Variants in SLC17A2 observed in about 807,000 individuals in gnomAD.
SLC17A2 encodes solute carrier family 17 member 2.
In SLC17A2, 38 loss-of-function variants were observed where a neutral mutation model predicts 52.1. The ratio of observed to expected loss-of-function variants is 0.73; its 90% confidence interval spans 0.56 to 0.96. The LOEUF is 0.96. Among genes scored for constraint, SLC17A2 ranks in the 40% least tolerant of loss-of-function variants. The pLI, the probability that SLC17A2 is intolerant of heterozygous loss-of-function variation, is 0.00. For synonymous variants in SLC17A2, 226 were observed against 211.9 expected (o/e 1.07, Z -0.58); for missense variants, 508 against 583.9 (o/e 0.87, Z 1.34).
At chr6:25,926,796 G>T (rs1192991934) in intron 1 of SLC17A2, among the ~76,000 whole-genome samples, 1 of 152,170 alleles carries the variant, frequency 6.6e-6, no homozygotes, top group Non-Finnish European at 1.5e-5. Context: ...GCCGGGTGCA[G>T]TGGCTCACAC....
chr6:25,915,953 A>AC, intron 8 of SLC17A2, 85 bp from the exon 9 acceptor site: 1 of 1,320,018 alleles, frequency 7.6e-7, no homozygotes, highest in South Asian at 1.4e-5. Flanking sequence ...CCATTAACTT[A>AC]CCCCCATGAT....
chr6:25,915,972 T>TAAG, intron 8 of SLC17A2, 104 bp from the exon 9 acceptor site: 2 of 1,098,750 alleles, frequency 1.8e-6, no homozygotes, highest in Non-Finnish European at 2.6e-6. Flanking sequence ...ATACTGTGGG[T>TAAG]TGTTTGGGGG....
intron 5 of SLC17A2, among the ~76,000 whole-genome samples, chr6:25,920,076 G>A (rs1490623645): frequency 6.6e-6 from 1 of 152,176 alleles, no homozygotes; most frequent in Non-Finnish European, 1.5e-5. Flanking sequence ...GTTTTGGTGG[G>A]AAGAAGGTTG....
rs1049966413 is a variant in SLC17A2 at position 25,930,374 on chromosome 6, T to G, written c.-181A>C. Reference sequence around the variant, plus strand: ...GTCTTCATTGAATCAGTTATCTTTTTCAGAGAGTCTCTTCATTTTGGAATT... The same window carrying G: ...GTCTTCATTGAATCAGTTATCTTTTGCAGAGAGTCTCTTCATTTTGGAATT... On this transcript the variant is annotated 5_prime_UTR_variant, in exon 1 of 12. Transcript: ENST00000377850. 1 of 152,232 alleles carries G rather than the reference T, an allele frequency of 6.6e-6. No homozygotes were observed. The highest frequency in any genetic ancestry group is 2.4e-5 in the African/African-American group (1 of 41,466). 9.4% of individuals were successfully genotyped at this position (152,232 alleles called of 1,614,324 possible).
Position 25,913,200 on chromosome 6 carries a change from C to T in SLC17A2, c.*117G>A. On this transcript the variant is annotated 3_prime_UTR_variant, in exon 12 of 12. Transcript: ENST00000377850. The stretch of plus-strand genomic sequence containing the variant: ...TCTTATAAAGGCTCCCCAGGGAAGA[C>T]TAACACACAGCCAGAGTTAAGAACT... The T allele has an allele frequency of 1.8e-6, 2 of 1,119,148 alleles. No homozygotes were observed. The highest frequency in any genetic ancestry group is 2.7e-6 in the Non-Finnish European group (2 of 746,968). 69.3% of individuals were successfully genotyped at this position (1,119,148 alleles called of 1,614,324 possible). A position where few individuals can be genotyped will look rare whatever the true frequency, so the allele number is the denominator to read the frequency against.
rs1766165072 is a variant in SLC17A2 at position 25,913,166 on chromosome 6, G to T, written c.*151C>A. 4.0e-6 allele frequency: 3 copies of T among 757,506 alleles called. No homozygotes were observed. The highest frequency in any genetic ancestry group is 2.4e-5 in the Admixed American group (1 of 41,970). 46.9% of individuals were successfully genotyped at this position (757,506 alleles called of 1,614,324 possible). A position where few individuals can be genotyped will look rare whatever the true frequency, so the allele number is the denominator to read the frequency against. Reference sequence around the variant, plus strand: ...TCAGAATCTCTGGAGTGGGTCCCAAGTATCAGTGTCTTATAAAGGCTCCCC... The same window carrying T: ...TCAGAATCTCTGGAGTGGGTCCCAATTATCAGTGTCTTATAAAGGCTCCCC... On this transcript the variant is annotated 3_prime_UTR_variant, in exon 12 of 12. Transcript: ENST00000377850.
chr6:25,915,789 A>C lies in SLC17A2; in HGVS notation c.1010T>G (p.Leu337Trp). The C allele has an allele frequency of 6.2e-7, 1 of 1,614,222 alleles. No homozygotes were observed. Among genetic ancestry groups the C allele is most frequent in the Non-Finnish European group, 8.5e-7 (1 of 1,180,022 alleles). Residue 337 changes from leucine to tryptophan, a missense_variant, in exon 9 of 12, where the codon TTG (leucine) becomes TGG (tryptophan). Physicochemically the swap from Leu to Trp is moderately conservative, Grantham distance 61 (BLOSUM62 -2). Coordinates refer to ENST00000377850, the MANE Select transcript of SLC17A2 (RefSeq NM_001286123.3). Reference sequence around the variant, plus strand: ...GATCAATCTGAGAAGATTCCTGGACAAAAGGAAATCTGCCAGCTGACCTCC... The same window carrying C: ...GATCAATCTGAGAAGATTCCTGGACCAAAGGAAATCTGCCAGCTGACCTCC... ...ILGGQLADFLLSRNLLRLITV... is the reference protein window; with the variant it reads ...ILGGQLADFLWSRNLLRLITV...
intron 5 of SLC17A2, 66 bp downstream of exon 5, chr6:25,920,940 C>T: frequency 5.6e-6 from 8 of 1,428,960 alleles, no homozygotes; most frequent in Non-Finnish European, 7.9e-6. Context: ...CCATTTGATT[C>T]ATAGAAGATA....
Position 25,914,611 on chromosome 6 carries a change from G to C in SLC17A2, c.1271C>G (p.Ser424Cys). 1.2e-6 allele frequency: 2 copies of C among 1,612,990 alleles called. No individual in the cohort carries two copies. Among genetic ancestry groups the C allele is most frequent in the Non-Finnish European group, 1.7e-6 (2 of 1,178,926 alleles). Residue 424 changes from serine (S) to cysteine (C), a missense_variant, in exon 11 of 12, where the codon TCT becomes TGT. By Grantham distance (112) the Ser-to-Cys change is moderately radical. Transcript: ENST00000377850. ...GATGAGGAATCCAGTGGCAGTGGAA[G>C]AGATGATTCCTGCGATGAGCCCAAA... The part of the protein sequence containing the change: ...RGFGLIAGII[S>C]STATGFLISQ...
chr6:25,921,316 C>A lies in SLC17A2; in HGVS notation c.337G>T (p.Ala113Ser), dbSNP rs1176064506. 3.1e-6 allele frequency: 5 copies of A among 1,614,126 alleles called. No individual in the cohort carries two copies. Among genetic ancestry groups the A allele is most frequent in the Non-Finnish European group, 4.2e-6 (5 of 1,180,004 alleles). ...ATTTTTTTTGCTCCAAATATCCCTG[C>A]TAAATATCCACTTGGGATCAGAGTC... ...ILTLIPSGYL[A>S]GIFGAKKMLG... The change falls in exon 4 of 12, where the codon GCA becomes TCA. Residue 113 changes from alanine to serine, a missense_variant. Physicochemically the swap from Ala to Ser is moderately conservative, Grantham distance 99 (BLOSUM62 1). Transcript: ENST00000377850.
intron 10 of SLC17A2, among the ~76,000 whole-genome samples, chr6:25,915,149 G>GTGTATA (rs749697702): frequency 5.2e-5 from 3 of 57,898 alleles, no homozygotes; most frequent in South Asian, 5.3e-4. Flanking sequence ...TATTGTGACT[G>GTGTATA]TATATATATA....
chr6:25,927,461 G>A (rs946551704), intron 1 of SLC17A2, among the ~76,000 whole-genome samples: 1 of 152,202 alleles, frequency 6.6e-6, no homozygotes, highest in African/African-American at 2.4e-5. Context: ...ATTCACACAA[G>A]TGCCAGTAAT....
intron 6 of SLC17A2, among the ~76,000 whole-genome samples, chr6:25,917,719 G>T (rs914893847): frequency 6.6e-6 from 1 of 152,216 alleles, no homozygotes; most frequent in Non-Finnish European, 1.5e-5. Flanking sequence ...GTAGAAAATT[G>T]TCTTATTATT....
chr6:25,925,737 A>G, intron 2 of SLC17A2, 32 bp downstream of exon 2: 1 of 1,603,700 alleles, frequency 6.2e-7, no homozygotes, highest in Non-Finnish European at 8.5e-7. Flanking sequence ...CAGCTTATTA[A>G]CATAGCCTGC....
intron 11 of SLC17A2, 114 bp from the exon 12 acceptor site, chr6:25,913,565 T>C (rs1168241822): frequency 6.2e-6 from 6 of 967,386 alleles, no homozygotes; most frequent in African/African-American, 1.6e-5. Flanking sequence ...TAAGGAACAA[T>C]GTGCAGTAGT....
intron 6 of SLC17A2, 22 bp from the exon 7 acceptor site, chr6:25,917,109 A>C (rs943398931): frequency 1.3e-6 from 2 of 1,585,256 alleles, no homozygotes; most frequent in African/African-American, 2.7e-5. Context: ...GGATAAAATT[A>C]GTTTTTAGGT....
rs1257539816 is a variant in SLC17A2, at chr6:25,918,491, G to T, written c.645C>A (p.Ile215=). 1.2e-6 allele frequency: 2 copies of T among 1,609,526 alleles called. No homozygotes were observed. The highest frequency in any genetic ancestry group is 1.7e-6 in the Non-Finnish European group (2 of 1,175,908). The change falls in exon 6 of 12, where the codon ATC becomes ATA. Residue 215 remains isoleucine (I), a synonymous_variant. Coordinates refer to ENST00000377850, the MANE Select transcript of SLC17A2 (RefSeq NM_001286123.3). ...QALSWPFIFY[I]FGSTGCVCCL... ...ATTTAAGAGAAAGTGACTCACCAAAGATGTAGAAGATAAAAGGCCAGCTCA... is the reference window on the plus strand; with the variant it reads ...ATTTAAGAGAAAGTGACTCACCAAATATGTAGAAGATAAAAGGCCAGCTCA...
chr6:25,916,655 T>A, intron 8 of SLC17A2, 30 bp downstream of exon 8: 1 of 1,573,848 alleles, frequency 6.4e-7, no homozygotes, highest in Non-Finnish European at 8.7e-7. Flanking sequence ...ACCATTATCA[T>A]TTTCGTAGAA....
At chr6:25,918,782 C>G (rs1236476166) in intron 5 of SLC17A2, among the ~76,000 whole-genome samples, 1 of 152,216 alleles carries the variant, frequency 6.6e-6, no homozygotes, top group Non-Finnish European at 1.5e-5. Context: ...CTCTCTGATT[C>G]TTCAATGGCT....
Sources: gnomAD v4.1 joint callset for allele counts (sites outside exome capture counted in the v4.1 genomes callset) on GRCh38, gnomAD v4.1.1 for gene constraint, MANE v1.5 for transcripts, NCBI Gene and HGNC (gene_info 2026-07-23, HGNC 2026-07-21) for gene names.